Variants in MTBP observed in about 807,000 individuals in gnomAD.
The protein encoded by MTBP is mdm2-binding protein.
Under a neutral mutation model 117.0 loss-of-function variants are expected in MTBP, and 101 were observed. That is an observed-to-expected ratio of 0.86 (90% confidence interval 0.73 to 1.02). The LOEUF is 1.02. Ranked by LOEUF, MTBP falls within the 50% of genes least tolerant of loss-of-function variation. The pLI is 0.00. For missense variants in MTBP, 970 were observed against 1,030.9 expected, an observed-to-expected ratio of 0.94 and a Z score of 0.81; for synonymous variants, 350 against 351.5, an observed-to-expected ratio of 1.00 and a Z score of 0.05.
rs1290281577 is a variant in MTBP, at chr8:120,517,409, G to A, written c.2247-442G>A. Among the ~76,000 whole-genome samples the A allele has an allele frequency of 2.6e-5, 4 of 152,010 alleles. No homozygotes were observed. In the East Asian group the frequency reaches 7.7e-4, roughly 29 times the overall value. On this transcript the variant is annotated intron_variant, in intron 18 of 21. Transcript: ENST00000305949. ...GATTTATTTGAGAAATTGTAAATTG[G>A]AGGGATGGGAGAGAGTATAACAATA...
Position 120,516,087 on chromosome 8 carries a change from T to C in MTBP, c.2142T>C (p.Pro714=). Residue 714 remains proline, a synonymous_variant, in exon 18 of 22, where the codon CCT becomes CCC. Coordinates refer to ENST00000305949, the MANE Select transcript of MTBP (RefSeq NM_022045.5). ...PLPSPVVSSD[P]GSVPDGEVLQ... is the part of the protein sequence containing the mutation. ...CATCTCCTGTAGTTTCGTCAGATCC[T>C]GGAAGTGTCCCTGACGGAGAAGTTT... The C allele has an allele frequency of 6.2e-7, 1 of 1,613,076 alleles. No homozygotes were observed. Among genetic ancestry groups the C allele is most frequent in the Non-Finnish European group, 8.5e-7 (1 of 1,179,240 alleles).
Position 120,455,592 on chromosome 8 carries a change from G to C in MTBP, c.629+13G>C, listed in dbSNP as rs201414710. Reference sequence around the variant, plus strand: ...ATCATTGTGAAATGTAAGCTTCTTTGTTCATATTTGATTATTGTCTGCCTT... The same window carrying C: ...ATCATTGTGAAATGTAAGCTTCTTTCTTCATATTTGATTATTGTCTGCCTT... On this transcript the variant is annotated intron_variant, in intron 6 of 21. Coordinates refer to ENST00000305949, the MANE Select transcript of MTBP (RefSeq NM_022045.5). The C allele has an allele frequency of 6.0e-5, 96 of 1,602,188 alleles. No individual in the cohort carries two copies. Among genetic ancestry groups the C allele is most frequent in the Middle Eastern group, 3.3e-4 (2 of 6,058 alleles).
chr8:120,509,668 AT>A (rs1431875653), intron 16 of MTBP, among the ~76,000 whole-genome samples: 1 of 152,136 alleles, frequency 6.6e-6, no homozygotes, highest in Non-Finnish European at 1.5e-5. Context: ...ATCATATTGC[AT>A]TTTTGTTTTA....
At chr8:120,465,307 A>C (rs1813663939) in intron 10 of MTBP, among the ~76,000 whole-genome samples, 2 of 152,196 alleles carry the variant, frequency 1.3e-5, no homozygotes, top group African/African-American at 4.8e-5. Flanking sequence ...ATAGAAGAGC[A>C]TGTTTTTTAG....
chr8:120,490,432 A>G lies in MTBP; in HGVS notation c.1340-31A>G, dbSNP rs368347214. 15 of 1,402,520 alleles carry G rather than the reference A, an allele frequency of 1.1e-5. No individual in the cohort carries two copies. In the African/African-American group the frequency reaches 2.1e-4, roughly 20 times the overall value. The allele number at this position is 1,402,520 out of a possible 1,614,324, so 86.9% of individuals were successfully genotyped here. A position where few individuals can be genotyped will look rare whatever the true frequency, so the allele number is the denominator to read the frequency against. On this transcript the variant is annotated intron_variant, in intron 12 of 21. Transcript: ENST00000305949. ...TAATTGTTGGCAAAGGGCATCATTA[A>G]TGTTGACCTTTTTTTTTTCTTATTT...
At chr8:120,459,192 G>A (rs753933354) in intron 7 of MTBP, 23 bp from the exon 8 acceptor site, 2 of 1,592,390 alleles carry the variant, frequency 1.3e-6, no homozygotes, top group Admixed American at 1.7e-5. Flanking sequence ...ACTTGTAACT[G>A]TGTTTTCTTG....
intron 21 of MTBP, 61 bp downstream of exon 21, chr8:120,522,780 C>T (rs1815027167): frequency 1.5e-6 from 2 of 1,297,938 alleles, no homozygotes; most frequent in African/African-American, 1.5e-5. Context: ...TTCAGGGTTG[C>T]TCTGATGCCA....
intron 11 of MTBP, chr8:120,472,458 A>T (rs1459638277): frequency 9.9e-6 from 1 of 100,978 alleles, no homozygotes; most frequent in Non-Finnish European, 2.7e-5. Context: ...TTATTTGCTT[A>T]TAGTTTGCAG....
At chr8:120,502,402 C>T (rs535888561) in intron 14 of MTBP, 90 bp from the exon 15 acceptor site, 32 of 794,470 alleles carry the variant, frequency 4.0e-5, no homozygotes, top group South Asian at 3.6e-4. Context: ...TACACACACA[C>T]GTATGTATGT....
In MTBP at chr8:120,451,193, A is replaced by AG; in HGVS notation, c.297dup (p.Ile100AspfsTer4). 6.2e-7 allele frequency: 1 copy of AG among 1,607,458 alleles called. No individual in the cohort carries two copies. The highest frequency in any genetic ancestry group is 1.3e-5 in the African/African-American group (1 of 74,784). On this transcript the variant is annotated frameshift_variant, in exon 4 of 22. Coordinates refer to ENST00000305949, the MANE Select transcript of MTBP (RefSeq NM_022045.5). LOFTEE classifies it high-confidence loss of function. Reference sequence around the variant, plus strand: ...TAGTTTTGTAGTTCTGATTGGCAAGAGATACATTTTGATACAGAAAAAGAT... The same window carrying AG: ...TAGTTTTGTAGTTCTGATTGGCAAGAGGATACATTTTGATACAGAAAAAGAT...
At chr8:120,465,967 A>G (rs548908621) in intron 10 of MTBP, among the ~76,000 whole-genome samples, 1 of 152,134 alleles carries the variant, frequency 6.6e-6, no homozygotes, top group Admixed American at 6.5e-5. Context: ...GTTTAATAAT[A>G]TATTTTCAGT....
rs952594267 is a variant in MTBP at position 120,478,851 on chromosome 8, C to T, written c.1165+7914C>T. Among the ~76,000 whole-genome samples the T allele has an allele frequency of 1.5e-3, 221 of 152,096 alleles. 1 individual carries two copies. The highest frequency in any genetic ancestry group is 3.1e-4 in the Non-Finnish European group (21 of 67,996). On this transcript the variant is annotated intron_variant, in intron 11 of 21. Transcript: ENST00000305949. ...AGAAAAAGATCGTACACGTATGCTA[C>T]GGAATACTATGCAGCCATAAAAAAT...
At chr8:120,489,041 C>CTTTTTTTTT (rs1563797857) in intron 12 of MTBP, among the ~76,000 whole-genome samples, 1 of 76,580 alleles carries the variant, frequency 1.3e-5, no homozygotes, top group Non-Finnish European at 3.8e-5. Flanking sequence ...GGCAGACTGA[C>CTTTTTTTTT]TTCTTTTTTT....
Position 120,523,293 on chromosome 8 carries a change from C to T in MTBP, c.2677-5C>T. ...CTTCTGTAATCATATTTTTTCTCCCCCTAGGTGATTGACTGGGTATTAGAA... is the reference window on the plus strand; with the variant it reads ...CTTCTGTAATCATATTTTTTCTCCCTCTAGGTGATTGACTGGGTATTAGAA... On this transcript the variant is annotated splice_region_variant and splice_polypyrimidine_tract_variant and intron_variant, in intron 21 of 21. Coordinates refer to ENST00000305949, the MANE Select transcript of MTBP (RefSeq NM_022045.5). 3.2e-6 allele frequency: 5 copies of T among 1,541,238 alleles called. No homozygotes were observed. Among genetic ancestry groups the T allele is most frequent in the Non-Finnish European group, 3.5e-6 (4 of 1,132,980 alleles).
intron 17 of MTBP, among the ~76,000 whole-genome samples, chr8:120,511,963 G>C (rs956417351): frequency 6.6e-6 from 1 of 151,816 alleles, no homozygotes; most frequent in East Asian, 1.9e-4. Flanking sequence ...TGAGCTCTCC[G>C]CTATTTACTT....
intron 9 of MTBP, among the ~76,000 whole-genome samples, chr8:120,462,413 G>T (rs1813600566): frequency 6.6e-6 from 1 of 152,138 alleles, no homozygotes; most frequent in South Asian, 2.1e-4. Flanking sequence ...GTTGAAACTG[G>T]TGTCACTAGT....
intron 20 of MTBP, among the ~76,000 whole-genome samples, chr8:120,520,522 T>C (rs1814993707): frequency 6.6e-6 from 1 of 152,160 alleles, no homozygotes; most frequent in African/African-American, 2.4e-5. Context: ...TTCAAAAATA[T>C]AACAAAGTTT....
At chr8:120,476,725 A>G (rs993612533) in intron 11 of MTBP, among the ~76,000 whole-genome samples, 1 of 152,184 alleles carries the variant, frequency 6.6e-6, no homozygotes, top group Admixed American at 6.5e-5. Context: ...AAGGAGAACT[A>G]CAAAGCACTG....
chr8:120,475,932 A>G (rs1586950789), intron 11 of MTBP, among the ~76,000 whole-genome samples: 1 of 152,026 alleles, frequency 6.6e-6, no homozygotes, highest in African/African-American at 2.4e-5. Flanking sequence ...TTGAAAGCCT[A>G]CTATGTGCCA....
Sources: allele counts gnomAD v4.1 joint callset (sites outside exome capture counted in the v4.1 genomes callset), GRCh38; gene constraint gnomAD v4.1.1; transcripts MANE v1.5; gene names NCBI Gene and HGNC (gene_info 2026-07-23, HGNC 2026-07-21).